The following ZSWIM5 variants were observed in gnomAD, a reference collection of about 807,000 sequenced individuals.
The protein encoded by ZSWIM5 is zinc finger SWIM-type containing 5.
Under a neutral mutation model 119.6 loss-of-function variants are expected in ZSWIM5, and 55 were observed. That is an observed-to-expected ratio of 0.46 (90% CI 0.37 to 0.58). ZSWIM5 has a LOEUF of 0.58. ZSWIM5 is among the 20% of genes least tolerant of loss of function. ZSWIM5 has a pLI of 0.00. For synonymous variants in ZSWIM5, 537 were observed against 606.9 expected, an observed-to-expected ratio of 0.88 and a Z score of 1.69; for missense variants, 1,193 against 1,512.8, an observed-to-expected ratio of 0.79 and a Z score of 3.51.
intron 1 of ZSWIM5, among the ~76,000 whole-genome samples, chr1:45,189,091 G>A (rs1570201335): frequency 6.6e-6 from 1 of 152,156 alleles, no homozygotes; most frequent in African/African-American, 2.4e-5. Context: ...GAGGTGGGCA[G>A]ATCACCTGAG....
chr1:45,046,546 T>C (rs528659305), intron 5 of ZSWIM5, among the ~76,000 whole-genome samples: 103 of 151,982 alleles, frequency 6.8e-4, no homozygotes, highest in African/African-American at 2.3e-3. Context: ...GGAATCCTAC[T>C]GAGATGCCTG....
At chr1:45,108,238 T>C (rs1383391361) in intron 1 of ZSWIM5, among the ~76,000 whole-genome samples, 1 of 152,206 alleles carries the variant, frequency 6.6e-6, no homozygotes, top group Non-Finnish European at 1.5e-5. Context: ...GAGGCTAATG[T>C]CTACCACCTG....
At chr1:45,168,412 A>C (rs1274897293) in intron 1 of ZSWIM5, among the ~76,000 whole-genome samples, 2 of 151,934 alleles carry the variant, frequency 1.3e-5, no homozygotes, top group Non-Finnish European at 2.9e-5. Flanking sequence ...GCACACCAAC[A>C]TGGCACATGT....
intron 1 of ZSWIM5, among the ~76,000 whole-genome samples, chr1:45,110,152 C>G (rs1570109713): frequency 6.6e-6 from 1 of 152,176 alleles, no homozygotes; most frequent in East Asian, 1.9e-4. Context: ...TAGATGTGAG[C>G]CACCACACCT....
chr1:45,090,014 G>T (rs1363841702), intron 1 of ZSWIM5, among the ~76,000 whole-genome samples: 2 of 152,200 alleles, frequency 1.3e-5, no homozygotes, highest in Non-Finnish European at 2.9e-5. Flanking sequence ...ATCTGTTGGA[G>T]AAATATTTGT....
intron 4 of ZSWIM5, among the ~76,000 whole-genome samples, chr1:45,052,875 C>G (rs111486803): frequency 0.019 from 2,828 of 151,444 alleles, 92 homozygotes; most frequent in African/African-American, 0.065. Flanking sequence ...TAATCCTAGC[C>G]CTGTGGGAGG....
chr1:45,074,175 G>A (rs2149005938), intron 2 of ZSWIM5, among the ~76,000 whole-genome samples: 1 of 152,064 alleles, frequency 6.6e-6, no homozygotes, highest in South Asian at 2.1e-4. Context: ...ATTCATCAGA[G>A]ATATTGGCCT....
chr1:45,105,497 T>C (rs1645466680), intron 1 of ZSWIM5, among the ~76,000 whole-genome samples: 1 of 134,238 alleles, frequency 7.4e-6, no homozygotes, highest in Non-Finnish European at 1.6e-5. Context: ...GAATGGGAAG[T>C]GAGGAGCGCC....
chr1:45,054,451 G>A (rs1645109001), intron 4 of ZSWIM5, among the ~76,000 whole-genome samples: 1 of 151,470 alleles, frequency 6.6e-6, no homozygotes, highest in African/African-American at 2.4e-5. Flanking sequence ...GCGTGGTGGT[G>A]CGCGCCTGTA....
chr1:45,131,836 T>G lies in ZSWIM5; in HGVS notation c.596-43599A>C, dbSNP rs760484655. Among the ~76,000 whole-genome samples, 22 of 151,226 alleles carry G rather than the reference T, an allele frequency of 1.5e-4. 1 individual carries two copies. In the Middle Eastern group the frequency reaches 0.01, roughly 71 times the overall value. On this transcript the variant is annotated intron_variant, in intron 1 of 13. Coordinates refer to ENST00000359600, the MANE Select transcript of ZSWIM5 (RefSeq NM_020883.2). Reference sequence around the variant, plus strand: ...TTTTATGGATGACCAAACTGAAGTATAGAGCTGTCTAGTGACTTCTTACAA... The same window carrying G: ...TTTTATGGATGACCAAACTGAAGTAGAGAGCTGTCTAGTGACTTCTTACAA...
intron 1 of ZSWIM5, among the ~76,000 whole-genome samples, chr1:45,205,199 C>G (rs1646180317): frequency 6.6e-6 from 1 of 151,302 alleles, no homozygotes; most frequent in Non-Finnish European, 1.5e-5. Context: ...ATTGTTAGTC[C>G]GCAGCCTAGA....
At chr1:45,185,910 C>G (rs1023805988) in intron 1 of ZSWIM5, among the ~76,000 whole-genome samples, 2 of 152,106 alleles carry the variant, frequency 1.3e-5, no homozygotes, top group African/African-American at 4.8e-5. Context: ...GGTATATACC[C>G]AAAGGATTGT....
intron 2 of ZSWIM5, among the ~76,000 whole-genome samples, chr1:45,073,541 G>A (rs573734717): frequency 2.0e-5 from 3 of 151,788 alleles, no homozygotes; most frequent in East Asian, 3.9e-4. Flanking sequence ...TTACAGACAT[G>A]AGCCACTGCG....
intron 9 of ZSWIM5, 39 bp from the exon 10 acceptor site, chr1:45,035,862 C>T (rs960542243): frequency 6.8e-6 from 11 of 1,606,292 alleles, no homozygotes; most frequent in African/African-American, 5.4e-5. Flanking sequence ...TATCTGTATG[C>T]TTCCATCTGC....
chr1:45,034,229 G>A (rs755868945), intron 11 of ZSWIM5, 83 bp downstream of exon 11: 365 of 1,439,160 alleles, frequency 2.5e-4, no homozygotes, highest in Admixed American at 4.6e-4. Context: ...TCTTTCTCAG[G>A]AGACTGCAGG....
chr1:45,038,088 C>T (rs1298388463), intron 8 of ZSWIM5, among the ~76,000 whole-genome samples: 2 of 152,086 alleles, frequency 1.3e-5, no homozygotes, highest in Admixed American at 1.3e-4. Flanking sequence ...TATATGTATA[C>T]AGTAAGTGAA....
chr1:45,203,188 T>C (rs907181198), intron 1 of ZSWIM5, among the ~76,000 whole-genome samples: 5 of 152,068 alleles, frequency 3.3e-5, no homozygotes, highest in African/African-American at 9.6e-5. Context: ...AGTTTTAGTT[T>C]TGATTTAAAA....
intron 2 of ZSWIM5, among the ~76,000 whole-genome samples, chr1:45,062,296 G>C (rs550882477): frequency 2.2e-4 from 34 of 152,222 alleles, no homozygotes; most frequent in Non-Finnish European, 4.7e-4. Context: ...GTCTCCCTAT[G>C]TCAGAACTCT....
At chr1:45,160,450 A>G (rs1645856399) in intron 1 of ZSWIM5, among the ~76,000 whole-genome samples, 1 of 152,054 alleles carries the variant, frequency 6.6e-6, no homozygotes, top group Non-Finnish European at 1.5e-5. Flanking sequence ...TACTCCTCCC[A>G]GCCTCTGGTA....
Sources: gnomAD v4.1 joint callset for allele counts (sites outside exome capture counted in the v4.1 genomes callset) on GRCh38, gnomAD v4.1.1 for gene constraint, MANE v1.5 for transcripts, NCBI Gene and HGNC (gene_info 2026-07-23, HGNC 2026-07-21) for gene names.